The following MMRN1 variants were observed in gnomAD, a reference collection of about 807,000 sequenced individuals.
MMRN1 encodes the protein multimerin-1.
In MMRN1, 94 loss-of-function variants were observed where a neutral mutation model predicts 100.7. The observed-to-expected ratio is 0.93, with a 90% CI of 0.79 to 1.11. The LOEUF is 1.11. Among genes scored for constraint, MMRN1 ranks in the 50% least tolerant of loss-of-function variants. The pLI is 0.00. For missense variants in MMRN1, 1,606 were observed against 1,439.1 expected, an observed-to-expected ratio of 1.12 and a Z score of -1.88; for synonymous variants, 575 against 505.0, an observed-to-expected ratio of 1.14 and a Z score of -1.86.
intron 5 of MMRN1, among the ~76,000 whole-genome samples, chr4:89,934,264 A>G (rs1222336516): frequency 6.6e-6 from 1 of 152,156 alleles, no homozygotes; most frequent in Non-Finnish European, 1.5e-5. Flanking sequence ...TTGTTATTAT[A>G]AAACACTATT....
intron 5 of MMRN1, among the ~76,000 whole-genome samples, chr4:89,933,525 G>T (rs1722506643): frequency 6.6e-6 from 1 of 152,160 alleles, no homozygotes; most frequent in African/African-American, 2.4e-5. Context: ...TAAAGAAAAA[G>T]AGGTTTAATG....
intron 5 of MMRN1, among the ~76,000 whole-genome samples, chr4:89,932,214 T>C (rs531465053): frequency 5.6e-4 from 85 of 152,264 alleles, no homozygotes; most frequent in African/African-American, 1.9e-3. Context: ...CGAAGTGATC[T>C]CCTTTGACTC....
At chr4:89,887,855 T>C (rs1326009223) in intron 1 of MMRN1, among the ~76,000 whole-genome samples, 1 of 151,934 alleles carries the variant, frequency 6.6e-6, no homozygotes, top group Non-Finnish European at 1.5e-5. Context: ...CATACATTAT[T>C]GCTGTGATTT....
chr4:89,952,232 T>C (rs1263991485), intron 7 of MMRN1, among the ~76,000 whole-genome samples: 2 of 152,312 alleles, frequency 1.3e-5, no homozygotes, highest in East Asian at 3.9e-4. Flanking sequence ...TGTTAGAACA[T>C]GCTCAAATGT....
chr4:89,928,945 T>C (rs550326113), intron 5 of MMRN1, among the ~76,000 whole-genome samples: 33 of 152,188 alleles, frequency 2.2e-4, no homozygotes, highest in Middle Eastern at 3.4e-3. Context: ...CAGAGATTTA[T>C]GTATAGTGAG....
intron 1 of MMRN1, among the ~76,000 whole-genome samples, chr4:89,897,675 T>C (rs1475518756): frequency 6.6e-6 from 1 of 152,230 alleles, no homozygotes; most frequent in Non-Finnish European, 1.5e-5. Context: ...TAAATGCTAG[T>C]TGTGTTATCC....
At chr4:89,932,171 G>T (rs1034905401) in intron 5 of MMRN1, among the ~76,000 whole-genome samples, 1 of 152,152 alleles carries the variant, frequency 6.6e-6, no homozygotes, top group Non-Finnish European at 1.5e-5. Context: ...ACGCAAGTCC[G>T]AAATCCAGTG....
intron 3 of MMRN1, among the ~76,000 whole-genome samples, chr4:89,921,430 T>G (rs1284678928): frequency 2.6e-5 from 4 of 152,296 alleles, no homozygotes; most frequent in African/African-American, 9.6e-5. Flanking sequence ...GATGTACATT[T>G]AAGCTGCCAG....
At chr4:89,907,050 T>A (rs1391506878) in intron 1 of MMRN1, among the ~76,000 whole-genome samples, 2 of 151,538 alleles carry the variant, frequency 1.3e-5, no homozygotes, top group Non-Finnish European at 3.0e-5. Flanking sequence ...AGAATGTTCA[T>A]GTGACAATTT....
chr4:89,934,787 T>A, intron 5 of MMRN1, 23 bp from the exon 6 acceptor site: 1 of 1,306,672 alleles, frequency 7.7e-7, no homozygotes, highest in East Asian at 2.4e-5. Context: ...AAACTATGTA[T>A]TATTAATTAT....
chr4:89,885,235 A>G (rs1209969212), intron 1 of MMRN1, among the ~76,000 whole-genome samples: 1 of 151,450 alleles, frequency 6.6e-6, no homozygotes, highest in East Asian at 1.9e-4. Context: ...ATGGTGAATA[A>G]CATTGCCTGA....
intron 6 of MMRN1, among the ~76,000 whole-genome samples, chr4:89,941,816 G>C (rs1197072099): frequency 6.6e-6 from 1 of 152,134 alleles, no homozygotes; most frequent in Non-Finnish European, 1.5e-5. Flanking sequence ...TAGGAGGCCT[G>C]TCTGCTGGGG....
chr4:89,935,621 G>A lies in MMRN1; in HGVS notation c.1941G>A (p.Glu647=). The A allele has an allele frequency of 1.2e-6, 2 of 1,613,522 alleles. No homozygotes were observed. The highest frequency in any genetic ancestry group is 1.7e-6 in the Non-Finnish European group (2 of 1,179,742). Residue 647 remains glutamate, a synonymous_variant, in exon 6 of 8, where the codon GAG becomes GAA. Coordinates refer to ENST00000264790, the MANE Select transcript of MMRN1 (RefSeq NM_007351.3). Reference sequence around the variant, plus strand: ...TAAATGATTTGACTTATGATATGGAGATCCTTCAACCCTTGCTTGAGCAGG... The same window carrying A: ...TAAATGATTTGACTTATGATATGGAAATCCTTCAACCCTTGCTTGAGCAGG... ...EQLNDLTYDM[E]ILQPLLEQGA... is the part of the protein sequence containing the mutation.
rs906846134 is a variant in MMRN1 at position 89,935,285 on chromosome 4, T to C, written c.1605T>C (p.Ala535=). ...QVSDQKNAPA[A]ESVSNNVTEY... ...CAGACCAGAAGAATGCTCCAGCTGC[T>C]GAGTCAGTTAGCAATAATGTCACTG... is the stretch of plus-strand genomic sequence containing the variant. The change falls in exon 6 of 8, where the codon GCT becomes GCC. Residue 535 remains alanine, a synonymous_variant. Coordinates refer to ENST00000264790, the MANE Select transcript of MMRN1 (RefSeq NM_007351.3). The C allele has an allele frequency of 3.1e-6, 5 of 1,613,664 alleles. No individual in the cohort carries two copies. Among genetic ancestry groups the C allele is most frequent in the African/African-American group, 1.3e-5 (1 of 74,918 alleles).
At chr4:89,879,569 C>A (rs903025411) in exon 1 of MMRN1, 2 of 152,150 alleles carry the variant, frequency 1.3e-5, no homozygotes, top group Non-Finnish European at 2.9e-5. Flanking sequence ...TTGATGTTAG[C>A]ATTTGGTTAT....
intron 1 of MMRN1, among the ~76,000 whole-genome samples, chr4:89,896,305 A>G (rs1442522180): frequency 6.6e-6 from 1 of 152,230 alleles, no homozygotes; most frequent in East Asian, 1.9e-4. Context: ...TTGTGTTGCC[A>G]TCATGAATAT....
rs761344505 is a variant in MMRN1 at position 89,923,050 on chromosome 4, G to A, written c.851-118G>A. The A allele has an allele frequency of 7.5e-6, 6 of 796,894 alleles. No homozygotes were observed. The Admixed American group carries it at 8.9e-5, about 12-fold the overall frequency. The allele number at this position is 796,894 out of a possible 1,614,324, so 49.4% of individuals were successfully genotyped here. On this transcript the variant is annotated intron_variant, in intron 3 of 7. Transcript: ENST00000264790. ...AGCAGCTTACTCTGCAATCATCCCC[G>A]ACCATCATGCTTCAGTACGCGGGAA...
intron 3 of MMRN1, among the ~76,000 whole-genome samples, chr4:89,922,847 A>T (rs1431911593): frequency 6.6e-6 from 1 of 152,156 alleles, no homozygotes; most frequent in Non-Finnish European, 1.5e-5. Flanking sequence ...CAGCGGATTT[A>T]AAAATCCCCT....
Position 89,931,814 on chromosome 4 carries a change from C to T in MMRN1, c.1130-2996C>T, listed in dbSNP as rs564125492. ...AATTTATCTCCCACTGGGTCCCTCC[C>T]ACAATGCATGGGTATTATGGAAGCT... On this transcript the variant is annotated intron_variant, in intron 5 of 7. Transcript: ENST00000264790. 1.7e-4 allele frequency among the ~76,000 whole-genome samples: 26 copies of T among 152,248 alleles called. 1 individual carries two copies. The South Asian group carries it at 5.0e-3, about 29-fold the overall frequency.
Sources: allele counts gnomAD v4.1 joint callset (sites outside exome capture counted in the v4.1 genomes callset), GRCh38; gene constraint gnomAD v4.1.1; transcripts MANE v1.5; gene names NCBI Gene and HGNC (gene_info 2026-07-23, HGNC 2026-07-21).